The following RCOR1 variants were observed in gnomAD, a reference collection of about 807,000 sequenced individuals.
RCOR1 encodes REST corepressor 1.
In RCOR1, 12 loss-of-function variants were observed where a neutral mutation model predicts 64.0. That is an observed-to-expected ratio of 0.19 (90% CI 0.12 to 0.30). The LOEUF is 0.30. RCOR1 is among the 10% of genes least tolerant of loss of function. The pLI is 1.00. For missense variants in RCOR1, 502 were observed against 621.2 expected (o/e 0.81, Z 2.04); for synonymous variants, 279 against 227.2 (o/e 1.23, Z -2.05).
intron 2 of RCOR1, among the ~76,000 whole-genome samples, chr14:102,660,773 T>C (rs1469491707): frequency 6.6e-6 from 1 of 152,182 alleles, no homozygotes; most frequent in African/African-American, 2.4e-5. Context: ...GTTGTTAAAG[T>C]GTGATTATTA....
chr14:102,674,822 C>A (rs764047114), intron 2 of RCOR1, among the ~76,000 whole-genome samples: 2 of 152,014 alleles, frequency 1.3e-5, no homozygotes, highest in Admixed American at 6.6e-5. Flanking sequence ...TGCCTGTAAT[C>A]CCAGCACTTT....
intron 7 of RCOR1, among the ~76,000 whole-genome samples, chr14:102,711,340 G>T (rs1412832357): frequency 6.6e-6 from 1 of 152,150 alleles, no homozygotes; most frequent in Non-Finnish European, 1.5e-5. Flanking sequence ...GCAGCCTTAG[G>T]GTCTCCATTC....
intron 2 of RCOR1, among the ~76,000 whole-genome samples, chr14:102,627,227 G>A (rs1893998454): frequency 6.6e-6 from 1 of 152,164 alleles, no homozygotes; most frequent in African/African-American, 2.4e-5. Flanking sequence ...CCCTGTGCAC[G>A]TATACTAGGC....
At chr14:102,596,872 C>T (rs190872263) in intron 2 of RCOR1, among the ~76,000 whole-genome samples, 5 of 145,162 alleles carry the variant, frequency 3.4e-5, no homozygotes, top group Middle Eastern at 3.8e-3. Context: ...CCCCTCCCCC[C>T]GCCTTTTTTT....
intron 2 of RCOR1, chr14:102,649,699 T>G (rs1894546694): frequency 1.6e-6 from 1 of 630,820 alleles, no homozygotes; most frequent in Non-Finnish European, 2.0e-6. Context: ...AATTCTGGTG[T>G]TGTCCTAGTT....
intron 2 of RCOR1, among the ~76,000 whole-genome samples, chr14:102,624,370 G>T (rs1022961633): frequency 2.0e-5 from 3 of 151,738 alleles, no homozygotes; most frequent in Admixed American, 6.6e-5. Flanking sequence ...GCTGGGCGTG[G>T]TGCCACCCAC....
chr14:102,593,542 C>G (rs1032921607), intron 2 of RCOR1, among the ~76,000 whole-genome samples: 2 of 152,234 alleles, frequency 1.3e-5, no homozygotes. Context: ...TCGCCCCCAG[C>G]AGGGCCGGCG....
At chr14:102,607,865 G>T (rs1029432111) in intron 2 of RCOR1, among the ~76,000 whole-genome samples, 10 of 149,036 alleles carry the variant, frequency 6.7e-5, no homozygotes, top group African/African-American at 2.4e-4. Context: ...CTGGGCAACA[G>T]AGCGAGACTC....
intron 2 of RCOR1, among the ~76,000 whole-genome samples, chr14:102,671,194 T>C (rs953544964): frequency 2.0e-5 from 3 of 152,244 alleles, no homozygotes; most frequent in Non-Finnish European, 2.9e-5. Flanking sequence ...TTCATCTTTC[T>C]GTTCTGACTC....
At chr14:102,616,531 A>G (rs1403075833) in intron 2 of RCOR1, among the ~76,000 whole-genome samples, 1 of 152,102 alleles carries the variant, frequency 6.6e-6, no homozygotes, top group Non-Finnish European at 1.5e-5. Flanking sequence ...TTGGATTCCC[A>G]AAGTGCTGCA....
At position 102,729,336 on chromosome 14, in the gene RCOR1, C is replaced by T. The variant is rs1216556703; in HGVS notation, c.*2830C>T. 6.6e-6 allele frequency: 1 copy of T among 152,644 alleles called. No individual in the cohort carries two copies. The allele number at this position is 152,644 out of a possible 1,614,324, so 9.5% of individuals were successfully genotyped here. ...CCTTGTTACTTGAATATTGTGTTGACTGGTCTGCAACAGTGATCCATTCTG... is the reference window on the plus strand; with the variant it reads ...CCTTGTTACTTGAATATTGTGTTGATTGGTCTGCAACAGTGATCCATTCTG... On this transcript the variant is annotated 3_prime_UTR_variant, in exon 12 of 12. Transcript: ENST00000262241.
intron 2 of RCOR1, among the ~76,000 whole-genome samples, chr14:102,597,556 T>G (rs1237005839): frequency 6.7e-6 from 1 of 150,366 alleles, no homozygotes; most frequent in Non-Finnish European, 1.5e-5. Context: ...CTCGAACTCC[T>G]GACCTCAGGT....
intron 2 of RCOR1, among the ~76,000 whole-genome samples, chr14:102,651,334 C>G (rs554965406): frequency 2.1e-4 from 32 of 152,162 alleles, no homozygotes; most frequent in African/African-American, 7.7e-4. Flanking sequence ...GAAGGCGGAT[C>G]ATGAGGTCAG....
chr14:102,659,012 A>AG (rs1894779136), intron 2 of RCOR1: 1 of 584,102 alleles, frequency 1.7e-6, no homozygotes, highest in South Asian at 7.6e-5. Context: ...CCTACACTCA[A>AG]GTCGGGGAGA....
intron 2 of RCOR1, among the ~76,000 whole-genome samples, chr14:102,624,636 C>T (rs936423339): frequency 1.3e-5 from 2 of 152,008 alleles, no homozygotes; most frequent in South Asian, 2.1e-4. Flanking sequence ...TGTGATGGTG[C>T]GTACCTATAG....
intron 2 of RCOR1, among the ~76,000 whole-genome samples, chr14:102,595,593 T>G (rs1893225403): frequency 6.6e-6 from 1 of 151,994 alleles, no homozygotes; most frequent in Non-Finnish European, 1.5e-5. Flanking sequence ...TTTTTTTTTT[T>G]TTGAGACGGA....
At chr14:102,673,012 T>C (rs568947113) in intron 2 of RCOR1, among the ~76,000 whole-genome samples, 1 of 152,188 alleles carries the variant, frequency 6.6e-6, no homozygotes, top group Non-Finnish European at 1.5e-5. Flanking sequence ...TTTCTCACAA[T>C]GTACACAAAA....
intron 2 of RCOR1, among the ~76,000 whole-genome samples, chr14:102,602,304 C>G (rs1893418250): frequency 6.6e-6 from 1 of 151,418 alleles, no homozygotes; most frequent in South Asian, 2.1e-4. Context: ...TTCACCTTGT[C>G]TTCGTCATGG....
intron 7 of RCOR1, among the ~76,000 whole-genome samples, 171 bp from the exon 8 acceptor site, chr14:102,714,252 C>T (rs1351329836): frequency 6.6e-6 from 1 of 152,116 alleles, no homozygotes; most frequent in Non-Finnish European, 1.5e-5. Flanking sequence ...ACTCAGTAGC[C>T]CAAATTCTGT....
Sources: gnomAD v4.1 joint callset for allele counts (sites outside exome capture counted in the v4.1 genomes callset) on GRCh38, gnomAD v4.1.1 for gene constraint, MANE v1.5 for transcripts, NCBI Gene and HGNC (gene_info 2026-07-23, HGNC 2026-07-21) for gene names.